Variants in FRMD4A observed in about 807,000 individuals in gnomAD.
FRMD4A encodes FERM domain containing 4A, also known as FERM domain-containing protein 4A.
In FRMD4A, 29 loss-of-function variants were observed where a neutral mutation model predicts 129.1. The observed-to-expected ratio is 0.22, with a 90% CI of 0.17 to 0.31. The LOEUF is 0.31. Ranked by LOEUF, FRMD4A falls within the 10% of genes least tolerant of loss-of-function variation. The pLI, the probability that FRMD4A is intolerant of heterozygous loss-of-function variation, is 1.00. For synonymous variants in FRMD4A, 634 were observed against 571.6 expected, an observed-to-expected ratio of 1.11 and a Z score of -1.56; for missense variants, 1,272 against 1,375.8, an observed-to-expected ratio of 0.92 and a Z score of 1.19.
intron 2 of FRMD4A, among the ~76,000 whole-genome samples, chr10:14,140,454 A>G (rs1380668423): frequency 2.0e-5 from 3 of 152,248 alleles, no homozygotes; most frequent in African/African-American, 7.2e-5. Context: ...ACTCACTTCC[A>G]ACCCGTTGAG....
chr10:14,183,052 G>C (rs1475295372), intron 2 of FRMD4A, among the ~76,000 whole-genome samples: 1 of 152,164 alleles, frequency 6.6e-6, no homozygotes, highest in Non-Finnish European at 1.5e-5. Flanking sequence ...TTCAGACAGA[G>C]AGACTGACCC....
At chr10:13,800,140 C>T (rs1022885701) in intron 4 of FRMD4A, among the ~76,000 whole-genome samples, 1 of 152,174 alleles carries the variant, frequency 6.6e-6, no homozygotes, top group African/African-American at 2.4e-5. Flanking sequence ...TGAGATGGCA[C>T]TACTGCACTC....
At chr10:14,171,041 T>TC (rs1430080048) in intron 2 of FRMD4A, among the ~76,000 whole-genome samples, 31 of 150,260 alleles carry the variant, frequency 2.1e-4, no homozygotes, top group Admixed American at 6.0e-4. Flanking sequence ...TTTGTTTGTT[T>TC]TTTGCGAGCC....
intron 2 of FRMD4A, among the ~76,000 whole-genome samples, chr10:14,056,036 G>T (rs780645710): frequency 6.6e-6 from 1 of 151,998 alleles, no homozygotes; most frequent in African/African-American, 2.4e-5. Flanking sequence ...CTGGGTTCAC[G>T]TCATTCTTTT....
chr10:13,823,448 C>A (rs1465138874), intron 3 of FRMD4A, among the ~76,000 whole-genome samples: 1 of 152,224 alleles, frequency 6.6e-6, no homozygotes, highest in African/African-American at 2.4e-5. Context: ...AGTGCTCAAC[C>A]TGCCTCTGCC....
intron 8 of FRMD4A, among the ~76,000 whole-genome samples, chr10:13,750,113 A>AAAGAAAGAAAGAAAGAAAGC (rs2091530774): frequency 9.2e-6 from 1 of 108,160 alleles, no homozygotes; most frequent in Non-Finnish European, 2.0e-5. Flanking sequence ...AGAAATGAAG[A>AAAGAAAGAAAGAAAGAAAGC]AAGAAAGAAA....
At chr10:14,316,397 C>T (rs574843069) in intron 2 of FRMD4A, among the ~76,000 whole-genome samples, 2 of 151,840 alleles carry the variant, frequency 1.3e-5, no homozygotes, top group South Asian at 4.2e-4. Flanking sequence ...CAAGAAGGGC[C>T]TCCCCAGATG....
At chr10:13,697,729 G>C (rs1321192928) in intron 14 of FRMD4A, among the ~76,000 whole-genome samples, 1 of 151,862 alleles carries the variant, frequency 6.6e-6, no homozygotes, top group Admixed American at 6.6e-5. Flanking sequence ...CTGCATCAGG[G>C]AGAGAAAAAA....
chr10:13,689,175 A>G (rs1329242270), intron 15 of FRMD4A, among the ~76,000 whole-genome samples: 1 of 85,502 alleles, frequency 1.2e-5, no homozygotes, highest in African/African-American at 3.6e-5. Flanking sequence ...TTTTAAATCA[A>G]TGAGCAGTAC....
In FRMD4A at chr10:13,666,802, C is replaced by G. The variant is rs144379184; in HGVS notation, c.1375-477G>C. Among the ~76,000 whole-genome samples the G allele has an allele frequency of 2.8e-3, 422 of 152,196 alleles. 4 individuals carry two copies. Among genetic ancestry groups the G allele is most frequent in the Middle Eastern group, 0.01 (3 of 294 alleles). The stretch of plus-strand genomic sequence containing the variant: ...AATGCACGGGCCTCTGACTCTCACA[C>G]TGTGTGCCCCTCACGTGTGCCTAAC... On this transcript the variant is annotated intron_variant, in intron 17 of 24. Transcript: ENST00000357447.
chr10:14,292,816 C>T (rs141518450), intron 2 of FRMD4A, among the ~76,000 whole-genome samples: 2 of 151,888 alleles, frequency 1.3e-5, no homozygotes, highest in African/African-American at 2.4e-5. Context: ...AAAACCAAAA[C>T]ATTTTTTAGG....
chr10:14,330,263 G>A (rs1182043284), intron 1 of FRMD4A, 80 bp from the exon 2 acceptor site: 2 of 679,160 alleles, frequency 2.9e-6, no homozygotes, highest in Admixed American at 2.1e-5. Flanking sequence ...ACACAGGGTG[G>A]GGAGGAGGTC....
At chr10:13,710,533 AG>A (rs1374792488) in intron 12 of FRMD4A, 1 of 152,294 alleles carries the variant, frequency 6.6e-6, no homozygotes, top group Non-Finnish European at 1.5e-5. Context: ...CCCGGCTCCC[AG>A]GCCTATCCCC....
chr10:14,018,531 G>A (rs1450503222), intron 2 of FRMD4A, among the ~76,000 whole-genome samples: 1 of 147,784 alleles, frequency 6.8e-6, no homozygotes, highest in Non-Finnish European at 1.5e-5. Flanking sequence ...ATATATTTTA[G>A]ATCTCATTCC....
chr10:14,237,634 T>C (rs1353468906), intron 2 of FRMD4A, among the ~76,000 whole-genome samples: 1 of 152,196 alleles, frequency 6.6e-6, no homozygotes, highest in African/African-American at 2.4e-5. Flanking sequence ...CCTGGCTGCA[T>C]CAATTTCTCT....
chr10:14,193,870 G>C (rs982243705), intron 2 of FRMD4A, among the ~76,000 whole-genome samples: 2 of 152,112 alleles, frequency 1.3e-5, no homozygotes, highest in Non-Finnish European at 2.9e-5. Context: ...TCCCTAAAAG[G>C]TTCTGTGGTG....
At chr10:14,281,152 C>T (rs1845507126) in intron 2 of FRMD4A, among the ~76,000 whole-genome samples, 1 of 151,934 alleles carries the variant, frequency 6.6e-6, no homozygotes, top group Non-Finnish European at 1.5e-5. Context: ...ACCACCACAC[C>T]CAGCTAATTT....
intron 16 of FRMD4A, 111 bp downstream of exon 16, chr10:13,674,800 A>G (rs77861426): frequency 0.053 from 65,165 of 1,238,048 alleles, 1,857 homozygotes; most frequent in African/African-American, 0.061. Flanking sequence ...TTCTGTCAAA[A>G]CGATCAAATG....
At chr10:13,687,692 G>A (rs1024896948) in intron 15 of FRMD4A, among the ~76,000 whole-genome samples, 8 of 152,182 alleles carry the variant, frequency 5.3e-5, no homozygotes, top group Non-Finnish European at 8.8e-5. Flanking sequence ...ACAGAGAGAC[G>A]CAGCTACAAA....
Sources: gnomAD v4.1 joint callset for allele counts (sites outside exome capture counted in the v4.1 genomes callset) on GRCh38, gnomAD v4.1.1 for gene constraint, MANE v1.5 for transcripts, NCBI Gene and HGNC (gene_info 2026-07-23, HGNC 2026-07-21) for gene names.